SELENOT: variants seen among roughly 807,000 people sequenced by gnomAD.
SELENOT encodes the protein selenoprotein T.
In SELENOT, 9 loss-of-function variants were observed where a neutral mutation model predicts 24.3. The observed-to-expected ratio is 0.37, with a 90% confidence interval of 0.22 to 0.65. The LOEUF (loss-of-function observed/expected upper bound fraction) is 0.65, where lower values mean the gene tolerates loss of function less well. Among genes scored for constraint, SELENOT ranks in the 30% least tolerant of loss-of-function variants. The pLI is 0.60. For synonymous variants in SELENOT, 81 were observed against 86.0 expected (o/e 0.94, Z 0.32); for missense variants, 166 against 247.6 (o/e 0.67, Z 2.21).
intron 1 of SELENOT, among the ~76,000 whole-genome samples, chr3:150,615,292 T>A (rs1342751139): frequency 2.0e-5 from 3 of 151,828 alleles, no homozygotes; most frequent in Non-Finnish European, 4.4e-5. Context: ...TGGTTCCAAG[T>A]CTTTGCTATT....
intron 1 of SELENOT, among the ~76,000 whole-genome samples, chr3:150,607,960 T>C (rs1424015037): frequency 2.6e-5 from 4 of 152,098 alleles, no homozygotes; most frequent in Non-Finnish European, 4.4e-5. Context: ...CAAGAGATAA[T>C]GGAACTTGGA....
chr3:150,626,544 C>T (rs927773032), intron 4 of SELENOT, among the ~76,000 whole-genome samples: 2 of 152,162 alleles, frequency 1.3e-5, no homozygotes, highest in East Asian at 3.9e-4. Flanking sequence ...TTCCCATCCT[C>T]CCTTATATCA....
intron 1 of SELENOT, chr3:150,611,895 T>A: frequency 1.0e-6 from 1 of 1,003,042 alleles, no homozygotes; most frequent in Non-Finnish European, 1.5e-6. Context: ...AGCTCCGGGG[T>A]ACCGGCGCTG....
intron 1 of SELENOT, among the ~76,000 whole-genome samples, chr3:150,603,975 T>C (rs1725902175): frequency 6.6e-6 from 1 of 152,218 alleles, no homozygotes; most frequent in African/African-American, 2.4e-5. Context: ...ATTCGGGTCA[T>C]TGGAGAGGAT....
Position 150,629,681 on chromosome 3 carries a change from T to A in SELENOT, c.*2052T>A, listed in dbSNP as rs535037877. 50 of 152,738 alleles carry A rather than the reference T, an allele frequency of 3.3e-4. No homozygotes were observed. The highest frequency in any genetic ancestry group is 1.1e-3 in the African/African-American group (44 of 41,586). 9.5% of individuals were successfully genotyped at this position (152,738 alleles called of 1,614,324 possible). On this transcript the variant is annotated 3_prime_UTR_variant, in exon 6 of 6. Transcript: ENST00000471696. ...TAGCTTTAAGTGGCTTAGACACTGA[T>A]AAAATTCAGCTGTGTTGTTGACGCT...
At chr3:150,619,540 A>G (rs910740133) in intron 1 of SELENOT, among the ~76,000 whole-genome samples, 5 of 152,260 alleles carry the variant, frequency 3.3e-5, no homozygotes, top group African/African-American at 1.2e-4. Context: ...TCTCAAAAAA[A>G]AGAAAGATTT....
chr3:150,619,088 G>T (rs1391256874), intron 1 of SELENOT, among the ~76,000 whole-genome samples: 1 of 152,018 alleles, frequency 6.6e-6, no homozygotes, highest in Non-Finnish European at 1.5e-5. Flanking sequence ...GGGTGTGGTG[G>T]TGGGCGCCTG....
At position 150,616,850 on chromosome 3, in the gene SELENOT, A is replaced by G. The variant is rs557895042; in HGVS notation, c.138-5535A>G. ...GAGACGAGGTTTTACCGTGTTACTC[A>G]GGCTGGTTTCAAACTCCTGAGCTCA... On this transcript the variant is annotated intron_variant, in intron 1 of 5. Coordinates refer to ENST00000471696, the MANE Select transcript of SELENOT (RefSeq NM_016275.5). 3.3e-5 allele frequency among the ~76,000 whole-genome samples: 5 copies of G among 152,352 alleles called. No homozygotes were observed. In the South Asian group the frequency reaches 8.3e-4, roughly 25 times the overall value.
chr3:150,610,759 G>C (rs747955122), intron 1 of SELENOT, among the ~76,000 whole-genome samples: 6 of 152,198 alleles, frequency 3.9e-5, no homozygotes, highest in Non-Finnish European at 5.9e-5. Flanking sequence ...TCCAAATGCT[G>C]TTAACATTTT....
At chr3:150,621,485 A>T (rs560680830) in intron 1 of SELENOT, among the ~76,000 whole-genome samples, 1 of 151,700 alleles carries the variant, frequency 6.6e-6, no homozygotes, top group South Asian at 2.1e-4. Context: ...TTATGATATT[A>T]TCTGTTCCTT....
At chr3:150,626,968 C>T in intron 4 of SELENOT, 42 bp from the exon 5 acceptor site, 1 of 1,591,736 alleles carries the variant, frequency 6.3e-7, no homozygotes, top group Non-Finnish European at 8.6e-7. Context: ...ATTATAAAAT[C>T]ATCTTTAATT....
chr3:150,605,363 A>G lies in SELENOT; in HGVS notation c.137+1864A>G, dbSNP rs968795775. ...CTTGTCACAATAATTTACCAGGTGT[A>G]TCTTCCACCAAGGCTATTCATAGCA... On this transcript the variant is annotated intron_variant, in intron 1 of 5. Transcript: ENST00000471696. Among the ~76,000 whole-genome samples the G allele has an allele frequency of 2.6e-5, 4 of 152,094 alleles. No individual in the cohort carries two copies. In the South Asian group the frequency reaches 6.2e-4, roughly 24 times the overall value.
At chr3:150,615,876 G>A (rs1004451098) in intron 1 of SELENOT, among the ~76,000 whole-genome samples, 1 of 150,872 alleles carries the variant, frequency 6.6e-6, no homozygotes, top group African/African-American at 2.4e-5. Context: ...AACCAAAAAA[G>A]AGCCCGCATC....
At chr3:150,618,858 A>T (rs888205030) in intron 1 of SELENOT, 2 of 152,204 alleles carry the variant, frequency 1.3e-5, no homozygotes, top group African/African-American at 4.8e-5. Flanking sequence ...AACCAATTTG[A>T]AATAGCATGG....
intron 4 of SELENOT, among the ~76,000 whole-genome samples, chr3:150,625,823 T>C (rs1282158703): frequency 6.6e-6 from 1 of 152,110 alleles, no homozygotes; most frequent in East Asian, 1.9e-4. Context: ...ATATTTACCA[T>C]CTGCCTTCTT....
intron 1 of SELENOT, chr3:150,611,734 C>A: frequency 6.6e-7 from 1 of 1,518,700 alleles, no homozygotes; most frequent in Middle Eastern, 1.8e-4. Context: ...GCCAGGAGCC[C>A]GGCCTGGCCG....
At position 150,622,442 on chromosome 3, in the gene SELENOT, G is replaced by A. The variant is rs1227461878; in HGVS notation, c.195G>A (p.Arg65=). The A allele has an allele frequency of 2.0e-6, 3 of 1,503,476 alleles. No individual in the cohort carries two copies. Among genetic ancestry groups the A allele is most frequent in the Non-Finnish European group, 1.8e-6 (2 of 1,117,618 alleles). The allele number at this position is 1,503,476 out of a possible 1,614,324, so 93.1% of individuals were successfully genotyped here. ...AGTACATGCGGGTTATTAGCCAGCG[G>A]TACCCAGACATCCGCATTGAAGGAG... The part of the protein sequence containing the change: ...FEEYMRVISQ[R]YPDIRIEGEN... Residue 65 remains arginine, a synonymous_variant, in exon 2 of 6, where the codon CGG becomes CGA. Transcript: ENST00000471696.
At chr3:150,610,591 T>A (rs1726064526) in intron 1 of SELENOT, among the ~76,000 whole-genome samples, 1 of 152,260 alleles carries the variant, frequency 6.6e-6, no homozygotes, top group Admixed American at 6.5e-5. Context: ...CCTTGCTCTT[T>A]AATTTGTGTT....
In SELENOT at chr3:150,611,758, A is replaced by AGCCGCTGAGACC. The variant is rs1726098009; in HGVS notation, c.137+8263_137+8274dup. 3.0e-6 allele frequency: 4 copies of AGCCGCTGAGACC among 1,343,170 alleles called. No homozygotes were observed. In the South Asian group the frequency reaches 3.6e-5, roughly 12 times the overall value. 83.2% of individuals were successfully genotyped at this position (1,343,170 alleles called of 1,614,324 possible). A position where few individuals can be genotyped will look rare whatever the true frequency, so the allele number is the denominator to read the frequency against. Reference sequence around the variant, plus strand: ...CCGGCCTGGCCGCCCCCAGGGGCCCAGCCGCTGAGACCGCCCCTGCGCCCG... The same window carrying AGCCGCTGAGACC: ...CCGGCCTGGCCGCCCCCAGGGGCCCAGCCGCTGAGACCGCCGCTGAGACCGCCCCTGCGCCCG... On this transcript the variant is annotated intron_variant, in intron 1 of 5. Transcript: ENST00000471696.
Sources: allele counts gnomAD v4.1 joint callset (sites outside exome capture counted in the v4.1 genomes callset), GRCh38; gene constraint gnomAD v4.1.1; transcripts MANE v1.5; gene names NCBI Gene and HGNC (gene_info 2026-07-23, HGNC 2026-07-21).